Variants in PTPRT observed in about 807,000 individuals in gnomAD.
PTPRT encodes receptor-type tyrosine-protein phosphatase T.
PTPRT carries 56 observed loss-of-function variants against 176.8 expected under a neutral mutation model. The observed-to-expected ratio is 0.32, with a 90% confidence interval of 0.26 to 0.40. The LOEUF is 0.40. Among genes scored for constraint, PTPRT ranks in the 10% least tolerant of loss-of-function variants. The probability of loss-of-function intolerance (pLI) is 1.00; values close to 1 mark genes in which losing one functional copy is unlikely to be tolerated. For synonymous variants in PTPRT, 783 were observed against 739.0 expected (o/e 1.06, Z -0.96); for missense variants, 1,540 against 1,908.2 (o/e 0.81, Z 3.60).
At chr20:42,905,709 C>T (rs1568673049) in intron 1 of PTPRT, among the ~76,000 whole-genome samples, 3 of 152,142 alleles carry the variant, frequency 2.0e-5, no homozygotes, top group South Asian at 4.1e-4. Flanking sequence ...AACTGTGGCA[C>T]ATATACACCA....
intron 15 of PTPRT, among the ~76,000 whole-genome samples, chr20:42,235,183 C>T (rs919126718): frequency 6.6e-6 from 1 of 152,052 alleles, no homozygotes; most frequent in African/African-American, 2.4e-5. Flanking sequence ...TTTTTATCAC[C>T]AAGGATCTAC....
intron 13 of PTPRT, among the ~76,000 whole-genome samples, chr20:42,277,940 CCAA>C (rs1372358251): frequency 6.8e-6 from 1 of 147,224 alleles, no homozygotes; most frequent in East Asian, 2.0e-4. Flanking sequence ...ATTTGTTCAT[CCAA>C]TGCATTTCAT....
At chr20:42,590,927 C>CGTGTGTGT (rs11468131) in intron 7 of PTPRT, among the ~76,000 whole-genome samples, 78 of 130,994 alleles carry the variant, frequency 6.0e-4, no homozygotes, top group Non-Finnish European at 1.1e-3. Flanking sequence ...AGAGATTTAG[C>CGTGTGTGT]GTGTGTGTGT....
chr20:42,825,880 T>G (rs2077983982), intron 2 of PTPRT, among the ~76,000 whole-genome samples: 1 of 151,970 alleles, frequency 6.6e-6, no homozygotes, highest in Non-Finnish European at 1.5e-5. Context: ...ATTTAACCCA[T>G]GGAGTACCAA....
intron 6 of PTPRT, among the ~76,000 whole-genome samples, chr20:42,736,277 G>C (rs2076538530): frequency 6.6e-6 from 1 of 152,200 alleles, no homozygotes; most frequent in South Asian, 2.1e-4. Flanking sequence ...AAGGAAAGGA[G>C]CAGCATGTGC....
chr20:42,969,111 G>C (rs1417701945), intron 1 of PTPRT: 1 of 152,142 alleles, frequency 6.6e-6, no homozygotes, highest in Non-Finnish European at 1.5e-5. Flanking sequence ...GTCGTTAATG[G>C]GGTGTCACAC....
intron 12 of PTPRT, among the ~76,000 whole-genome samples, chr20:42,291,780 G>A (rs893719818): frequency 1.4e-4 from 22 of 152,122 alleles, no homozygotes; most frequent in African/African-American, 5.1e-4. Flanking sequence ...GAGGCATGAT[G>A]TAAAACGAAG....
intron 1 of PTPRT, among the ~76,000 whole-genome samples, chr20:43,152,918 T>C (rs2014403470): frequency 6.6e-6 from 1 of 152,150 alleles, no homozygotes; most frequent in Non-Finnish European, 1.5e-5. Flanking sequence ...ATTACTTAAA[T>C]ACTTCCCAAT....
chr20:42,354,917 G>C (rs1431057709), intron 9 of PTPRT, among the ~76,000 whole-genome samples: 1 of 151,958 alleles, frequency 6.6e-6, no homozygotes, highest in Non-Finnish European at 1.5e-5. Flanking sequence ...AATGCAGGGA[G>C]CTGAGGGCTT....
intron 9 of PTPRT, among the ~76,000 whole-genome samples, chr20:42,389,995 T>A (rs2058785743): frequency 6.6e-6 from 1 of 152,184 alleles, no homozygotes; most frequent in African/African-American, 2.4e-5. Flanking sequence ...TTTCTCTTCA[T>A]TATAAATTAG....
At chr20:42,651,390 C>G (rs1398403417) in intron 7 of PTPRT, among the ~76,000 whole-genome samples, 1 of 152,166 alleles carries the variant, frequency 6.6e-6, no homozygotes, top group Non-Finnish European at 1.5e-5. Context: ...CAACAACTGT[C>G]ATGGATATTT....
At chr20:42,573,024 T>C (rs569293504) in intron 7 of PTPRT, among the ~76,000 whole-genome samples, 1 of 151,938 alleles carries the variant, frequency 6.6e-6, no homozygotes, top group Non-Finnish European at 1.5e-5. Context: ...AGGACCCATG[T>C]CTGTTTTGTT....
intron 27 of PTPRT, among the ~76,000 whole-genome samples, chr20:42,097,372 C>T (rs976545152): frequency 6.6e-6 from 1 of 152,216 alleles, no homozygotes; most frequent in Admixed American, 6.5e-5. Flanking sequence ...CTCGCCTTTG[C>T]CTCTGCTGTT....
intron 1 of PTPRT, among the ~76,000 whole-genome samples, chr20:43,184,783 G>T (rs1218068763): frequency 1.3e-5 from 2 of 151,868 alleles, no homozygotes; most frequent in African/African-American, 4.8e-5. Flanking sequence ...TTTCATGGTT[G>T]ACTTCTGTTA....
chr20:43,140,758 T>C (rs2013979537), intron 1 of PTPRT, among the ~76,000 whole-genome samples: 2 of 152,196 alleles, frequency 1.3e-5, no homozygotes, highest in East Asian at 1.9e-4. Flanking sequence ...TTTTTGAGAC[T>C]TAATGCCCTT....
At chr20:42,061,881 T>C in the PTPRT span, among the ~76,000 whole-genome samples, 1 of 152,350 alleles carries the variant, frequency 6.6e-6, no homozygotes, top group Non-Finnish European at 1.5e-5. Flanking sequence ...TCTGCAGGCC[T>C]GATGCAAAAA....
chr20:42,094,202 C>T (rs933274463), intron 27 of PTPRT, among the ~76,000 whole-genome samples: 1 of 152,152 alleles, frequency 6.6e-6, no homozygotes, highest in African/African-American at 2.4e-5. Flanking sequence ...AAGAGAAGAG[C>T]AAACAGGGTT....
At chr20:42,396,503 C>T (rs186825616) in intron 9 of PTPRT, among the ~76,000 whole-genome samples, 84 of 152,310 alleles carry the variant, frequency 5.5e-4, no homozygotes, top group Non-Finnish European at 9.4e-4. Context: ...CCCTTACTCA[C>T]TCTATTCCAA....
intron 9 of PTPRT, among the ~76,000 whole-genome samples, chr20:42,424,595 G>T (rs1393928059): frequency 6.6e-6 from 1 of 152,034 alleles, no homozygotes; most frequent in East Asian, 1.9e-4. Context: ...CTCAAGTTTG[G>T]TACAATTAGC....
Sources: gnomAD v4.1 joint callset for allele counts (sites outside exome capture counted in the v4.1 genomes callset) on GRCh38, gnomAD v4.1.1 for gene constraint, MANE v1.5 for transcripts, NCBI Gene and HGNC (gene_info 2026-07-23, HGNC 2026-07-21) for gene names.